The following ARIH1 variants were observed in gnomAD, a reference collection of about 807,000 sequenced individuals.
ARIH1 encodes the protein ariadne RBR E3 ubiquitin protein ligase 1.
In ARIH1, 8 loss-of-function variants were observed where a neutral mutation model predicts 85.0. The observed-to-expected ratio is 0.09, with a 90% CI of 0.06 to 0.17. ARIH1 has a LOEUF of 0.17. ARIH1 is among the 10% of genes least tolerant of loss of function. The pLI, the probability that ARIH1 is intolerant of heterozygous loss-of-function variation, is 1.00. For synonymous variants in ARIH1, 238 were observed against 253.6 expected, an observed-to-expected ratio of 0.94 and a Z score of 0.59; for missense variants, 311 against 718.1, an observed-to-expected ratio of 0.43 and a Z score of 6.48.
intron 2 of ARIH1, among the ~76,000 whole-genome samples, chr15:72,521,228 C>T (rs562142627): frequency 2.7e-5 from 3 of 112,560 alleles, no homozygotes; most frequent in African/African-American, 1.1e-4. Flanking sequence ...CTGGCTAATT[C>T]GCTTTTTGCA....
chr15:72,489,585 G>A (rs2063851040), intron 1 of ARIH1, among the ~76,000 whole-genome samples: 1 of 152,164 alleles, frequency 6.6e-6, no homozygotes, highest in Admixed American at 6.5e-5. Flanking sequence ...CATCTTAATT[G>A]CTTGTGTGAC....
intron 2 of ARIH1, among the ~76,000 whole-genome samples, chr15:72,528,700 A>T (rs928680563): frequency 1.3e-5 from 2 of 152,202 alleles, no homozygotes; most frequent in East Asian, 1.9e-4. Flanking sequence ...ACAAAAAAAT[A>T]AAAAATTAGC....
intron 2 of ARIH1, among the ~76,000 whole-genome samples, chr15:72,520,460 G>C (rs558701878): frequency 1.3e-5 from 2 of 150,306 alleles, no homozygotes; most frequent in African/African-American, 4.9e-5. Context: ...TGTAGGTGCC[G>C]TTTAAAAAAA....
At chr15:72,576,844 A>G (rs1258245220) in intron 11 of ARIH1, among the ~76,000 whole-genome samples, 1 of 152,154 alleles carries the variant, frequency 6.6e-6, no homozygotes, top group East Asian at 1.9e-4. Flanking sequence ...TACCTCCGCA[A>G]TGGAAAATCC....
In ARIH1 at chr15:72,579,457, G is replaced by C. The variant is rs2064286794; in HGVS notation, c.1216-1274G>C. Among the ~76,000 whole-genome samples, 4 of 152,172 alleles carry C rather than the reference G, an allele frequency of 2.6e-5. No homozygotes were observed. In the South Asian group the frequency reaches 6.2e-4, roughly 24 times the overall value. On this transcript the variant is annotated intron_variant, in intron 11 of 13. Transcript: ENST00000379887. Reference sequence around the variant, plus strand: ...TACATGGTATGTAGTTGCCACTGTAGTTTTCTACTTAAAAATATCTCTGCT... The same window carrying C: ...TACATGGTATGTAGTTGCCACTGTACTTTTCTACTTAAAAATATCTCTGCT...
chr15:72,542,801 TTTGTC>T (rs1411972893), intron 2 of ARIH1, among the ~76,000 whole-genome samples: 4 of 152,140 alleles, frequency 2.6e-5, no homozygotes, highest in Non-Finnish European at 4.4e-5. Context: ...ATGACAGAAG[TTTGTC>T]TTGTCTTGGG....
chr15:72,563,827 T>C (rs149549997), intron 7 of ARIH1, among the ~76,000 whole-genome samples: 2 of 152,260 alleles, frequency 1.3e-5, no homozygotes, highest in Non-Finnish European at 2.9e-5. Context: ...TTCTTTACTC[T>C]GCCAAATTTT....
intron 11 of ARIH1, among the ~76,000 whole-genome samples, chr15:72,576,227 C>T (rs142961704): frequency 1.4e-4 from 21 of 152,082 alleles, no homozygotes; most frequent in Non-Finnish European, 2.8e-4. Context: ...TGATAGGGGC[C>T]GGGCGCGGTG....
chr15:72,576,731 A>G (rs2064273204), intron 11 of ARIH1, among the ~76,000 whole-genome samples: 1 of 152,162 alleles, frequency 6.6e-6, no homozygotes, highest in East Asian at 1.9e-4. Flanking sequence ...CTTTGATAAC[A>G]ATATACTTTA....
At chr15:72,511,893 G>A (rs929335014) in intron 1 of ARIH1, among the ~76,000 whole-genome samples, 1 of 152,078 alleles carries the variant, frequency 6.6e-6, no homozygotes, top group Non-Finnish European at 1.5e-5. Context: ...AGTAGTGGAT[G>A]TTGAATTTTG....
At chr15:72,482,827 T>TGC in intron 1 of ARIH1, among the ~76,000 whole-genome samples, 1 of 144,294 alleles carries the variant, frequency 6.9e-6, no homozygotes, top group South Asian at 2.3e-4. Flanking sequence ...TTGGTAGCAG[T>TGC]TCTCTCTCTC....
intron 1 of ARIH1, among the ~76,000 whole-genome samples, chr15:72,477,788 G>GA (rs555261793): frequency 1.7e-3 from 252 of 149,106 alleles, no homozygotes; most frequent in African/African-American, 5.6e-3. Context: ...AGCTTTTAAG[G>GA]AAAAAAAAAA....
In ARIH1 at chr15:72,599,987, T is replaced by C. The variant is rs1392086993; in HGVS notation, c.*16695T>C. On this transcript the variant is annotated 3_prime_UTR_variant, in exon 14 of 14. Transcript: ENST00000379887. Reference sequence around the variant, plus strand: ...CCAGTGTTGGCTGGACTCTCAAGCGTTTGTGGTATAGGTTTTGGGAGGACT... The same window carrying C: ...CCAGTGTTGGCTGGACTCTCAAGCGCTTGTGGTATAGGTTTTGGGAGGACT... 6.6e-6 allele frequency: 1 copy of C among 152,130 alleles called. No individual in the cohort carries two copies. The highest frequency in any genetic ancestry group is 1.5e-5 in the Non-Finnish European group (1 of 68,026). The allele number at this position is 152,130 out of a possible 1,614,324, so 9.4% of individuals were successfully genotyped here.
At chr15:72,578,062 C>T (rs933883019) in intron 11 of ARIH1, among the ~76,000 whole-genome samples, 1 of 152,158 alleles carries the variant, frequency 6.6e-6, no homozygotes, top group Non-Finnish European at 1.5e-5. Flanking sequence ...TCTTCTTCCT[C>T]ATCATCTGGC....
intron 2 of ARIH1, among the ~76,000 whole-genome samples, chr15:72,535,958 A>G (rs2064080130): frequency 6.6e-6 from 1 of 152,248 alleles, no homozygotes; most frequent in Non-Finnish European, 1.5e-5. Context: ...GCGGGGGCAG[A>G]GAACATTTGT....
In ARIH1 at chr15:72,586,817, A is replaced by C; in HGVS notation, c.*3525A>C. On this transcript the variant is annotated 3_prime_UTR_variant, in exon 14 of 14. Coordinates refer to ENST00000379887, the MANE Select transcript of ARIH1 (RefSeq NM_005744.5). ...AAATTGTTTGTGTTGTAACAGTGAT[A>C]CAAAAATGTTCAATAGCTCTTTGAA... The C allele has an allele frequency of 6.3e-6, 1 of 158,424 alleles. No homozygotes were observed. Among genetic ancestry groups the C allele is most frequent in the South Asian group, 1.9e-4 (1 of 5,390 alleles). The allele number at this position is 158,424 out of a possible 1,614,324, so 9.8% of individuals were successfully genotyped here. A position where few individuals can be genotyped will look rare whatever the true frequency, so the allele number is the denominator to read the frequency against.
In ARIH1 at chr15:72,578,958, G is replaced by T. The variant is rs973978221; in HGVS notation, c.1216-1773G>T. Among the ~76,000 whole-genome samples, 3 of 150,790 alleles carry T rather than the reference G, an allele frequency of 2.0e-5. No homozygotes were observed. The South Asian group carries it at 6.3e-4, about 32-fold the overall frequency. On this transcript the variant is annotated intron_variant, in intron 11 of 13. Transcript: ENST00000379887. ...TGCCACCACGCCCAGCTAATTTTTT[G>T]TATTTTAGTAGATACAGGGTTTCAC...
intron 3 of ARIH1, among the ~76,000 whole-genome samples, chr15:72,547,238 C>T (rs891100815): frequency 1.8e-3 from 274 of 148,598 alleles, no homozygotes; most frequent in African/African-American, 6.5e-3. Flanking sequence ...CTTTCCTTTT[C>T]TCTTTTTTTT....
At chr15:72,529,098 G>C (rs973397424) in intron 2 of ARIH1, among the ~76,000 whole-genome samples, 1 of 152,130 alleles carries the variant, frequency 6.6e-6, no homozygotes, top group African/African-American at 2.4e-5. Context: ...TACTCAGGAG[G>C]CTGAAGCAGG....
Sources: gnomAD v4.1 joint callset for allele counts (sites outside exome capture counted in the v4.1 genomes callset) on GRCh38, gnomAD v4.1.1 for gene constraint, MANE v1.5 for transcripts, NCBI Gene and HGNC (gene_info 2026-07-23, HGNC 2026-07-21) for gene names.